The following MYO5B variants were observed in gnomAD, a reference collection of about 807,000 sequenced individuals.
MYO5B encodes myosin VB.
Under a neutral mutation model 229.3 loss-of-function variants are expected in MYO5B, and 143 were observed. The observed-to-expected ratio is 0.62, with a 90% CI of 0.54 to 0.72. MYO5B has a LOEUF of 0.72. Among genes scored for constraint, MYO5B ranks in the 30% least tolerant of loss-of-function variants. MYO5B has a pLI of 0.00. For synonymous variants in MYO5B, 918 were observed against 885.2 expected, an observed-to-expected ratio of 1.04 and a Z score of -0.66; for missense variants, 2,321 against 2,331.0, an observed-to-expected ratio of 1.00 and a Z score of 0.09.
intron 1 of MYO5B, among the ~76,000 whole-genome samples, chr18:50,146,550 T>C (rs1361474541): frequency 2.0e-5 from 3 of 152,180 alleles, no homozygotes; most frequent in East Asian, 1.9e-4. Flanking sequence ...AGGGCTGTGC[T>C]CTTGACCCTG....
intron 14 of MYO5B, among the ~76,000 whole-genome samples, chr18:49,952,782 A>G (rs769599115): frequency 2.6e-5 from 4 of 152,110 alleles, no homozygotes; most frequent in East Asian, 1.9e-4. Flanking sequence ...CTTCTATTCC[A>G]TTAAGTTTCT....
chr18:49,896,774 C>T (rs1359126209), intron 21 of MYO5B, among the ~76,000 whole-genome samples: 6 of 152,126 alleles, frequency 3.9e-5, no homozygotes, highest in Non-Finnish European at 8.8e-5. Context: ...ATCTTGACAC[C>T]GCCTGAGACC....
At chr18:49,936,167 G>T in intron 16 of MYO5B, 85 bp downstream of exon 16, 1 of 1,170,796 alleles carries the variant, frequency 8.5e-7, no homozygotes, top group Non-Finnish European at 1.2e-6. Flanking sequence ...GAAGGCCACA[G>T]ACCCCCAGGC....
chr18:49,933,637 G>C (rs912212072), intron 16 of MYO5B, among the ~76,000 whole-genome samples: 1 of 152,180 alleles, frequency 6.6e-6, no homozygotes, highest in African/African-American at 2.4e-5. Context: ...GTAGCATCTA[G>C]TGGGTAGAGG....
rs748972874 is a variant in MYO5B, at chr18:49,843,313, G to C, written c.4539C>G (p.Asp1513Glu). ...GCACCTTGAGATCGTCGTTGGTGTA[G>C]TCCGCGTGCCGGATGCACATGTAGA... is the stretch of plus-strand genomic sequence containing the variant. ...YILYMCIRHA[D>E]YTNDDLKVHS... The change falls in exon 34 of 40, where the codon GAC becomes GAG. Residue 1513 changes from aspartate (D) to glutamate (E), a missense_variant. Physicochemically the swap from Asp to Glu is conservative, Grantham distance 45 (BLOSUM62 2). Transcript: ENST00000285039. The C allele has an allele frequency of 5.0e-6, 8 of 1,614,234 alleles. No homozygotes were observed. The highest frequency in any genetic ancestry group is 1.1e-5 in the South Asian group (1 of 91,086).
chr18:49,996,229 A>G (rs1276795231), intron 5 of MYO5B, among the ~76,000 whole-genome samples: 1 of 152,204 alleles, frequency 6.6e-6, no homozygotes, highest in Non-Finnish European at 1.5e-5. Context: ...TGATAGATCT[A>G]AAAGTACTGG....
chr18:50,070,522 G>A (rs74679512), intron 1 of MYO5B, among the ~76,000 whole-genome samples: 2,866 of 152,024 alleles, frequency 0.019, 39 homozygotes, highest in Middle Eastern at 0.034. Context: ...AGTAGGTAGA[G>A]CTCAGGGATG....
chr18:50,076,265 T>C (rs2031075309), intron 1 of MYO5B, among the ~76,000 whole-genome samples: 1 of 152,158 alleles, frequency 6.6e-6, no homozygotes, highest in Admixed American at 6.5e-5. Context: ...TGCAGAACTG[T>C]ACGGAAAGTG....
intron 14 of MYO5B, among the ~76,000 whole-genome samples, chr18:49,950,801 C>G (rs2025423237): frequency 1.3e-5 from 2 of 152,104 alleles, no homozygotes; most frequent in Admixed American, 1.3e-4. Flanking sequence ...TACCTGCAAT[C>G]TAAAACAATA....
intron 2 of MYO5B, among the ~76,000 whole-genome samples, chr18:50,042,730 G>T (rs1359950633): frequency 6.6e-6 from 1 of 152,126 alleles, no homozygotes; most frequent in Non-Finnish European, 1.5e-5. Context: ...CCACACCTCG[G>T]TGGAGATGTC....
At chr18:49,943,023 T>C (rs2025333898) in intron 14 of MYO5B, among the ~76,000 whole-genome samples, 1 of 152,114 alleles carries the variant, frequency 6.6e-6, no homozygotes, top group African/African-American at 2.4e-5. Context: ...CACCATGGAA[T>C]ACTATGCAGT....
At chr18:49,948,467 C>T (rs1290015243) in intron 14 of MYO5B, among the ~76,000 whole-genome samples, 2 of 152,150 alleles carry the variant, frequency 1.3e-5, no homozygotes, top group Non-Finnish European at 2.9e-5. Context: ...GTTTTGTCAA[C>T]TAAAAAGTTA....
intron 22 of MYO5B, among the ~76,000 whole-genome samples, chr18:49,881,208 T>C (rs1305180221): frequency 2.0e-5 from 3 of 152,224 alleles, no homozygotes; most frequent in Non-Finnish European, 2.9e-5. Context: ...TTGTATTTGT[T>C]TGCCTGTCTT....
intron 32 of MYO5B, among the ~76,000 whole-genome samples, chr18:49,848,832 C>T (rs549892554): frequency 5.7e-4 from 87 of 152,222 alleles, no homozygotes; most frequent in Admixed American, 2.6e-3. Flanking sequence ...ATAGAGATCA[C>T]AGACATCCCT....
At chr18:50,174,501 C>T (rs1255821096) in intron 1 of MYO5B, among the ~76,000 whole-genome samples, 1 of 152,202 alleles carries the variant, frequency 6.6e-6, no homozygotes, top group Non-Finnish European at 1.5e-5. Context: ...CTCAGGGTCT[C>T]CATTCCCTCT....
At chr18:50,080,751 T>G (rs2031200885) in intron 1 of MYO5B, among the ~76,000 whole-genome samples, 1 of 152,194 alleles carries the variant, frequency 6.6e-6, no homozygotes, top group South Asian at 2.1e-4. Context: ...GTTGCCATGC[T>G]GGGATGGGAC....
chr18:50,052,483 C>T (rs1354920395), intron 2 of MYO5B, among the ~76,000 whole-genome samples: 1 of 144,954 alleles, frequency 6.9e-6, no homozygotes, highest in Non-Finnish European at 1.5e-5. Flanking sequence ...CATGTTCTCA[C>T]TCATAGATAG....
intron 29 of MYO5B, among the ~76,000 whole-genome samples, chr18:49,859,405 T>C (rs2024301981): frequency 6.6e-6 from 1 of 152,256 alleles, no homozygotes; most frequent in Non-Finnish European, 1.5e-5. Context: ...GTTAAGAACC[T>C]GCCTTCCTGG....
chr18:50,141,893 C>T (rs975934966), intron 1 of MYO5B, among the ~76,000 whole-genome samples: 1 of 152,158 alleles, frequency 6.6e-6, no homozygotes, highest in African/African-American at 2.4e-5. Flanking sequence ...GGGTAAAGAC[C>T]AAAGTAGTGA....
Sources: allele counts gnomAD v4.1 joint callset (sites outside exome capture counted in the v4.1 genomes callset), GRCh38; gene constraint gnomAD v4.1.1; transcripts MANE v1.5; gene names NCBI Gene and HGNC (gene_info 2026-07-23, HGNC 2026-07-21).